Variants in CCDC81 observed in about 807,000 individuals in gnomAD.
CCDC81 encodes the protein coiled-coil domain containing 81, also known as coiled-coil domain-containing protein 81.
CCDC81 carries 79 observed loss-of-function variants against 83.7 expected under a neutral mutation model. That is an observed-to-expected ratio of 0.94 (90% confidence interval 0.79 to 1.14). The LOEUF (loss-of-function observed/expected upper bound fraction) is 1.14. Among genes scored for constraint, CCDC81 ranks in the 50% most tolerant of loss-of-function variants. CCDC81 has a pLI of 0.00. For synonymous variants in CCDC81, 252 were observed against 278.1 expected (o/e 0.91, Z 0.93); for missense variants, 791 against 778.1 (o/e 1.02, Z -0.20).
At chr11:86,397,532 G>T in intron 5 of CCDC81, 89 bp from the exon 6 acceptor site, 1 of 1,486,220 alleles carries the variant, frequency 6.7e-7, no homozygotes, top group Non-Finnish European at 9.0e-7. Flanking sequence ...GAATCAGCCA[G>T]CTGGCTGGGT....
Position 86,408,141 on chromosome 11 carries a change from A to G in CCDC81, c.984A>G (p.Val328=), listed in dbSNP as rs11234639. The G allele has an allele frequency of 1.9e-3, 3,027 of 1,612,160 alleles. 53 individuals carry two copies. In the African/African-American group the frequency reaches 0.036, roughly 19 times the overall value. The change falls in exon 9 of 15, where the codon GTA becomes GTG. Residue 328 remains valine, a synonymous_variant. Coordinates refer to ENST00000445632, the MANE Select transcript of CCDC81 (RefSeq NM_001156474.2). ...TGGGATTGTAGGAAATGTGCTATGT[A>G]TGTTTGCAACGAGCACAACGAAATT... ...HNKAGQEMCY[V]CLQRAQRNSL... is the part of the protein sequence containing the mutation.
rs145418241 is a variant in CCDC81, at chr11:86,409,488, C to T, written c.1218+123C>T. 747 of 466,940 alleles carry T rather than the reference C, an allele frequency of 1.6e-3. 2 individuals are homozygous for T. The highest frequency in any genetic ancestry group is 4.4e-3 in the Middle Eastern group (15 of 3,372). The allele number at this position is 466,940 out of a possible 1,614,324, so 28.9% of individuals were successfully genotyped here. ...TATTTTTTGAGATGGAGTCTTGCTC[C>T]GTCACCCAGGCTGCAGTGCAATGGT... On this transcript the variant is annotated intron_variant, in intron 10 of 14. Transcript: ENST00000445632.
At chr11:86,396,135 G>C (rs1948407026) in intron 5 of CCDC81, among the ~76,000 whole-genome samples, 2 of 152,200 alleles carry the variant, frequency 1.3e-5, no homozygotes, top group Admixed American at 6.5e-5. Flanking sequence ...GGGTTAAACA[G>C]ATAAGTTAGA....
At chr11:86,407,301 A>C (rs2138529427) in intron 7 of CCDC81, among the ~76,000 whole-genome samples, 1 of 152,300 alleles carries the variant, frequency 6.6e-6, no homozygotes, top group African/African-American at 2.4e-5. Flanking sequence ...TGTACATGGT[A>C]AGCACTCAAT....
intron 8 of CCDC81, 77 bp downstream of exon 8, chr11:86,407,778 C>A: frequency 2.7e-6 from 3 of 1,098,816 alleles, no homozygotes; most frequent in Non-Finnish European, 4.1e-6. Flanking sequence ...TTCTGGGAAT[C>A]TCTCTTCCTT....
chr11:86,400,814 C>A lies in CCDC81; in HGVS notation c.881+13C>A, dbSNP rs558320488. 2 of 1,463,714 alleles carry A rather than the reference C, an allele frequency of 1.4e-6. No homozygotes were observed. The highest frequency in any genetic ancestry group is 2.5e-5 in the East Asian group (1 of 39,950). 90.7% of individuals were successfully genotyped at this position (1,463,714 alleles called of 1,614,324 possible). A position where few individuals can be genotyped will look rare whatever the true frequency, so the allele number is the denominator to read the frequency against. ...TGACCCCTGAAAGGTAATGCATTGA[C>A]TTTTTTTTTTCTGTTGTACTTTACT... On this transcript the variant is annotated intron_variant, in intron 7 of 14. Coordinates refer to ENST00000445632, the MANE Select transcript of CCDC81 (RefSeq NM_001156474.2).
rs1348589923 is a variant in CCDC81, at chr11:86,395,334, A to G, written c.556A>G (p.Arg186Gly). 1.2e-6 allele frequency: 2 copies of G among 1,613,866 alleles called. No individual in the cohort carries two copies. Among genetic ancestry groups the G allele is most frequent in the Non-Finnish European group, 1.7e-6 (2 of 1,179,804 alleles). ...ACCTTGCTCTGTTGCTGTCCTCTAG[A>G]GGCCTGGCACTGTGGACTCGGTGTT... ...SGALAKALAN[R>G]PGTVDSVLSS... Residue 186 changes from arginine (R) to glycine (G), a missense_variant and splice_region_variant, in exon 5 of 15, where the codon AGG (arginine) becomes GGG (glycine). Transcript: ENST00000445632.
At chr11:86,404,449 A>G (rs1227148507) in intron 7 of CCDC81, among the ~76,000 whole-genome samples, 2 of 152,196 alleles carry the variant, frequency 1.3e-5, no homozygotes, top group African/African-American at 2.4e-5. Context: ...GGCTGTTTTC[A>G]TAAAAAGTTT....
rs1010241109 is a variant in CCDC81 at position 86,415,267 on chromosome 11, G to C, written c.1645G>C (p.Val549Leu). The change falls in exon 13 of 15, where the codon GTG (valine) becomes CTG (leucine). Residue 549 changes from valine to leucine, a missense_variant. Transcript: ENST00000445632. The part of the protein sequence containing the change: ...HKRKAILHQL[V>L]DQRRDLQMLQ... ...GAGGAAAGCCATCCTGCATCAACTA[G>C]TGGACCAGAGGCGGGATTTGCAAAT... 2 of 1,614,060 alleles carry C rather than the reference G, an allele frequency of 1.2e-6. No individual in the cohort carries two copies. The highest frequency in any genetic ancestry group is 2.2e-5 in the East Asian group (1 of 44,892).
At chr11:86,390,064 C>T (rs1948303236) in intron 3 of CCDC81, among the ~76,000 whole-genome samples, 1 of 152,026 alleles carries the variant, frequency 6.6e-6, no homozygotes, top group African/African-American at 2.4e-5. Flanking sequence ...GAGATTGCGC[C>T]ACTGCACTCC....
At chr11:86,408,680 G>C (rs1315620058) in intron 9 of CCDC81, among the ~76,000 whole-genome samples, 1 of 152,102 alleles carries the variant, frequency 6.6e-6, no homozygotes, top group African/African-American at 2.4e-5. Flanking sequence ...TCATATGTCT[G>C]TACTGTGGGA....
At chr11:86,381,960 G>A (rs1367402674) in intron 1 of CCDC81, among the ~76,000 whole-genome samples, 3 of 152,118 alleles carry the variant, frequency 2.0e-5, no homozygotes, top group African/African-American at 7.2e-5. Context: ...GGAATGACAG[G>A]GGCAAAAACT....
intron 14 of CCDC81, among the ~76,000 whole-genome samples, chr11:86,421,338 C>G (rs1261041592): frequency 6.6e-6 from 1 of 151,174 alleles, no homozygotes; most frequent in Non-Finnish European, 1.5e-5. Flanking sequence ...GAGATGGTGT[C>G]TCACTCTGTC....
chr11:86,409,197 G>T, intron 9 of CCDC81, 64 bp from the exon 10 acceptor site: 1 of 748,480 alleles, frequency 1.3e-6, no homozygotes. Flanking sequence ...AAAATTTTTG[G>T]GGGCTCCACT....
chr11:86,378,122 T>C (rs1401518914), intron 1 of CCDC81, among the ~76,000 whole-genome samples: 1 of 152,102 alleles, frequency 6.6e-6, no homozygotes, highest in Non-Finnish European at 1.5e-5. Context: ...CTCTTTTGTG[T>C]CCTTTTAATC....
intron 9 of CCDC81, among the ~76,000 whole-genome samples, chr11:86,408,579 G>A (rs866657489): frequency 1.3e-5 from 2 of 152,074 alleles, no homozygotes; most frequent in East Asian, 1.9e-4. Context: ...AGCATCCAGA[G>A]GCTCCAACTC....
chr11:86,396,672 C>G (rs1345044489), intron 5 of CCDC81, among the ~76,000 whole-genome samples: 2 of 152,136 alleles, frequency 1.3e-5, no homozygotes, highest in Non-Finnish European at 2.9e-5. Context: ...TTCCAACCGC[C>G]TCATCTTGCA....
At chr11:86,417,672 G>A (rs572882389) in intron 13 of CCDC81, among the ~76,000 whole-genome samples, 2 of 151,874 alleles carry the variant, frequency 1.3e-5, no homozygotes, top group African/African-American at 4.8e-5. Flanking sequence ...TTTTTATACT[G>A]GTTCTTTTGT....
At chr11:86,380,556 C>T (rs886965818) in intron 1 of CCDC81, among the ~76,000 whole-genome samples, 1 of 152,128 alleles carries the variant, frequency 6.6e-6, no homozygotes, top group African/African-American at 2.4e-5. Context: ...TCTCCCTCTT[C>T]TCCTGGTATT....
Sources: gnomAD v4.1 joint callset for allele counts (sites outside exome capture counted in the v4.1 genomes callset) on GRCh38, gnomAD v4.1.1 for gene constraint, MANE v1.5 for transcripts, NCBI Gene and HGNC (gene_info 2026-07-23, HGNC 2026-07-21) for gene names.